GLB1: variants seen among roughly 807,000 people sequenced by gnomAD.
GLB1 encodes the protein beta-galactosidase.
A neutral mutation model predicts 74.0 loss-of-function variants in GLB1; 56 were observed. The ratio of observed to expected loss-of-function variants is 0.76; its 90% CI spans 0.61 to 0.94. The LOEUF (loss-of-function observed/expected upper bound fraction) is 0.94. GLB1 is among the 40% of genes least tolerant of loss of function. The pLI is 0.00. For missense variants in GLB1, 787 were observed against 845.5 expected, an observed-to-expected ratio of 0.93 and a Z score of 0.86; for synonymous variants, 323 against 323.6, an observed-to-expected ratio of 1.00 and a Z score of 0.02.
downstream of GLB1, among the ~76,000 whole-genome samples, chr3:32,994,827 A>G (rs1167523288): frequency 1.3e-5 from 2 of 151,298 alleles, no homozygotes; most frequent in Non-Finnish European, 2.9e-5. Context: ...AGGCTGAGGC[A>G]GGAGAATCGC....
chr3:33,094,133 G>A (rs748634765), intron 1 of GLB1: 36 of 1,613,836 alleles, frequency 2.2e-5, no homozygotes, highest in South Asian at 3.3e-5. Context: ...TCATGGACAC[G>A]AAGACAGTGA....
At chr3:33,030,561 A>G (rs988336814) in intron 10 of GLB1, 8 of 985,376 alleles carry the variant, frequency 8.1e-6, no homozygotes, top group Non-Finnish European at 9.6e-6. Context: ...TTCCAGTCAT[A>G]AACAGTGCAG....
the GLB1 span, among the ~76,000 whole-genome samples, chr3:32,990,152 C>T: frequency 4.6e-5 from 7 of 152,192 alleles, no homozygotes; most frequent in Non-Finnish European, 1.0e-4. Context: ...TTCTGGAATT[C>T]TCCATTGTCT....
At chr3:33,078,445 T>C (rs969928411) in intron 1 of GLB1, among the ~76,000 whole-genome samples, 3 of 152,188 alleles carry the variant, frequency 2.0e-5, no homozygotes, top group Non-Finnish European at 4.4e-5. Flanking sequence ...TAGCCAGACA[T>C]TATGTCTCTC....
chr3:33,067,188 A>G (rs13094148), intron 4 of GLB1, among the ~76,000 whole-genome samples: 113,886 of 151,706 alleles, frequency 0.75, 45,899 homozygotes, highest in Non-Finnish European at 0.9. Flanking sequence ...TTTTTAGTAG[A>G]GACAGGGTTT....
In GLB1 at chr3:33,015,250, G is replaced by A. The variant is rs532683115; in HGVS notation, c.1480-940C>T. On this transcript the variant is annotated intron_variant, in intron 14 of 15. Transcript: ENST00000307363. Reference sequence around the variant, plus strand: ...GAGCAGGTACGACGGATGCAGCCAGGAGCAAATATTGGCCTTGAGCACCTC... The same window carrying A: ...GAGCAGGTACGACGGATGCAGCCAGAAGCAAATATTGGCCTTGAGCACCTC... 1.4e-3 allele frequency among the ~76,000 whole-genome samples: 208 copies of A among 152,278 alleles called. 2 individuals carry two copies. Among genetic ancestry groups the A allele is most frequent in the African/African-American group, 4.9e-3 (204 of 41,556 alleles).
At chr3:33,065,402 A>C (rs1699628863) in intron 5 of GLB1, 61 bp downstream of exon 5, 4 of 1,539,930 alleles carry the variant, frequency 2.6e-6, no homozygotes, top group African/African-American at 1.4e-5. Flanking sequence ...TCTATCATTT[A>C]TGTAATGTAG....
chr3:33,015,884 G>A (rs922367662), intron 14 of GLB1, among the ~76,000 whole-genome samples: 1 of 152,194 alleles, frequency 6.6e-6, no homozygotes, highest in Non-Finnish European at 1.5e-5. Context: ...CTCTCCTCTC[G>A]CGGAGGTTGA....
chr3:32,979,603 A>C, the GLB1 span, among the ~76,000 whole-genome samples: 2 of 152,186 alleles, frequency 1.3e-5, no homozygotes, highest in African/African-American at 4.8e-5. Context: ...CTGTAATCCC[A>C]GCACTTTGGG....
chr3:33,074,354 AAGG>A, intron 1 of GLB1, among the ~76,000 whole-genome samples: 1 of 100,160 alleles, frequency 1.0e-5, no homozygotes, highest in Non-Finnish European at 2.2e-5. Flanking sequence ...GGAAGGAAGG[AAGG>A]AAGGAAGGAA....
chr3:32,994,676 T>C (rs1696277047), downstream of GLB1, among the ~76,000 whole-genome samples: 1 of 152,028 alleles, frequency 6.6e-6, no homozygotes, highest in Non-Finnish European at 1.5e-5. Flanking sequence ...ATCCCGGCGA[T>C]TTGGGAGGCC....
intron 1 of GLB1, among the ~76,000 whole-genome samples, chr3:33,075,906 G>A (rs1226736078): frequency 2.6e-5 from 4 of 152,138 alleles, no homozygotes; most frequent in Admixed American, 1.3e-4. Context: ...TTAGCCGGGC[G>A]TGGTGGTAGG....
intron 15 of GLB1, among the ~76,000 whole-genome samples, chr3:33,003,963 G>A (rs1365623166): frequency 6.6e-6 from 1 of 152,068 alleles, no homozygotes; most frequent in Non-Finnish European, 1.5e-5. Flanking sequence ...CTGGGAGGCG[G>A]AGGTTGCAAT....
At chr3:32,989,696 A>C in the GLB1 span, among the ~76,000 whole-genome samples, 3 of 152,240 alleles carry the variant, frequency 2.0e-5, no homozygotes, top group Non-Finnish European at 4.4e-5. Context: ...TCTCAAATAC[A>C]ATACAAAACT....
chr3:33,036,540 G>A (rs1271769815), intron 10 of GLB1, among the ~76,000 whole-genome samples: 1 of 152,108 alleles, frequency 6.6e-6, no homozygotes, highest in East Asian at 1.9e-4. Context: ...GGAATGACAA[G>A]CAGAGACTTA....
At position 32,996,728 on chromosome 3, in the gene GLB1, T is replaced by C. The variant is rs997072701; in HGVS notation, c.*317A>G. The C allele has an allele frequency of 1.8e-5, 7 of 378,614 alleles. No individual in the cohort carries two copies. The highest frequency in any genetic ancestry group is 1.2e-4 in the African/African-American group (6 of 48,162). The allele number at this position is 378,614 out of a possible 1,614,324, so 23.5% of individuals were successfully genotyped here. A position where few individuals can be genotyped will look rare whatever the true frequency, so the allele number is the denominator to read the frequency against. The stretch of plus-strand genomic sequence containing the variant: ...CTGCACATTAAAAACAGTGACATCA[T>C]CATTTGAGTACAAATTTTATTTAAC... On this transcript the variant is annotated 3_prime_UTR_variant, in exon 16 of 16. Transcript: ENST00000307363.
In GLB1 at chr3:33,058,207, C is replaced by A; in HGVS notation, c.615G>T (p.Lys205Asn). The change falls in exon 6 of 16, where the codon AAG becomes AAT. Residue 205 changes from lysine to asparagine, a missense_variant. Physicochemically the swap from Lys to Asn is moderately conservative, Grantham distance 94. Coordinates refer to ENST00000307363, the MANE Select transcript of GLB1 (RefSeq NM_000404.4). ...CDFDYLRFLQ[K>N]RFRHHLGDDV... ...CATCCCCCAGATGGTGGCGAAAGCG[C>A]TTCTGCAGGAAGCGCAGGTAGTCAA... The A allele has an allele frequency of 6.2e-7, 1 of 1,614,138 alleles. No individual in the cohort carries two copies. The highest frequency in any genetic ancestry group is 8.5e-7 in the Non-Finnish European group (1 of 1,180,026).
chr3:32,983,094 T>G, the GLB1 span, among the ~76,000 whole-genome samples: 1 of 152,196 alleles, frequency 6.6e-6, no homozygotes, highest in Non-Finnish European at 1.5e-5. Flanking sequence ...AACTTCAGTT[T>G]AAATATTTGG....
the GLB1 span, among the ~76,000 whole-genome samples, chr3:32,979,042 T>A: frequency 4.0e-5 from 6 of 150,938 alleles, no homozygotes; most frequent in Non-Finnish European, 8.8e-5. Context: ...AATGGCGCAA[T>A]CTCAATTCAC....
Sources: allele counts gnomAD v4.1 joint callset (sites outside exome capture counted in the v4.1 genomes callset), GRCh38; gene constraint gnomAD v4.1.1; transcripts MANE v1.5; gene names NCBI Gene and HGNC (gene_info 2026-07-23, HGNC 2026-07-21).